Variants in FBXL7 observed in about 807,000 individuals in gnomAD.
FBXL7 encodes the protein F-box and leucine rich repeat protein 7.
Under a neutral mutation model 38.3 loss-of-function variants are expected in FBXL7, and 12 were observed. That is an observed-to-expected ratio of 0.31 (90% confidence interval 0.20 to 0.51). The LOEUF (loss-of-function observed/expected upper bound fraction) is 0.51. FBXL7 is among the 20% of genes least tolerant of loss of function. FBXL7 has a pLI of 0.98. For missense variants in FBXL7, 567 were observed against 676.4 expected (o/e 0.84, Z 1.79); for synonymous variants, 297 against 300.9 (o/e 0.99, Z 0.13).
chr5:15,505,915 G>T (rs893596462), intron 1 of FBXL7, among the ~76,000 whole-genome samples: 1 of 152,176 alleles, frequency 6.6e-6, no homozygotes, highest in Non-Finnish European at 1.5e-5. Context: ...ATTGCAGTCA[G>T]TCGGAACGTT....
chr5:15,824,295 CAA>C (rs57955989), intron 2 of FBXL7, among the ~76,000 whole-genome samples: 8 of 122,882 alleles, frequency 6.5e-5, no homozygotes, highest in Admixed American at 8.8e-5. Context: ...GACTCCGTCT[CAA>C]AAAAAAAAAA....
intron 1 of FBXL7, among the ~76,000 whole-genome samples, chr5:15,530,301 C>A (rs549694334): frequency 6.6e-6 from 1 of 152,272 alleles, no homozygotes; most frequent in Non-Finnish European, 1.5e-5. Flanking sequence ...GGTTACCCTT[C>A]TCTATACAAA....
chr5:15,914,124 C>T (rs993037028), intron 2 of FBXL7, among the ~76,000 whole-genome samples: 8 of 151,952 alleles, frequency 5.3e-5, no homozygotes, highest in South Asian at 4.2e-4. Flanking sequence ...TGGTGGCTCA[C>T]GCCTGTAATC....
intron 1 of FBXL7, among the ~76,000 whole-genome samples, chr5:15,598,941 C>T (rs1336808463): frequency 6.6e-6 from 1 of 152,164 alleles, no homozygotes; most frequent in Non-Finnish European, 1.5e-5. Flanking sequence ...AGGGCAATTG[C>T]TGCATTCAGT....
intron 2 of FBXL7, among the ~76,000 whole-genome samples, chr5:15,766,842 T>A (rs1425029513): frequency 6.6e-6 from 1 of 152,230 alleles, no homozygotes; most frequent in Non-Finnish European, 1.5e-5. Context: ...AGAAACTCGA[T>A]ACACTGTAAA....
chr5:15,567,967 G>T (rs1738642950), intron 1 of FBXL7, among the ~76,000 whole-genome samples: 1 of 152,082 alleles, frequency 6.6e-6, no homozygotes, highest in Non-Finnish European at 1.5e-5. Context: ...TGGTGTATAT[G>T]TGCCACATTT....
At chr5:15,572,471 T>G (rs549729655) in intron 1 of FBXL7, among the ~76,000 whole-genome samples, 106 of 151,680 alleles carry the variant, frequency 7.0e-4, no homozygotes, top group African/African-American at 2.5e-3. Context: ...AAAGGTGTAC[T>G]GCCCTCAAAT....
Position 15,660,713 on chromosome 5 carries a change from C to T in FBXL7, c.127+44641C>T, listed in dbSNP as rs571332306. ...TCCAATTTATCTCTCCAGACTCCCACTTAATCATAAGAAGGCATATAAGTT... is the reference window on the plus strand; with the variant it reads ...TCCAATTTATCTCTCCAGACTCCCATTTAATCATAAGAAGGCATATAAGTT... On this transcript the variant is annotated intron_variant, in intron 2 of 3. Coordinates refer to ENST00000504595, the MANE Select transcript of FBXL7 (RefSeq NM_012304.5). Among the ~76,000 whole-genome samples, 35 of 152,254 alleles carry T rather than the reference C, an allele frequency of 2.3e-4. No individual in the cohort carries two copies. The Middle Eastern group carries it at 0.014, about 60-fold the overall frequency.
rs1425675567 is a variant in FBXL7 at position 15,577,419 on chromosome 5, T to C, written c.38-38564T>C. ...AGAAGTCAGGTAATTATGGAAAGTG[T>C]CTATGTGACAGAGAGTGACCGCTTT... On this transcript the variant is annotated intron_variant, in intron 1 of 3. Coordinates refer to ENST00000504595, the MANE Select transcript of FBXL7 (RefSeq NM_012304.5). 2.0e-5 allele frequency among the ~76,000 whole-genome samples: 3 copies of C among 152,278 alleles called. No individual in the cohort carries two copies. In the South Asian group the frequency reaches 6.2e-4, roughly 32 times the overall value.
intron 2 of FBXL7, among the ~76,000 whole-genome samples, chr5:15,788,980 A>G (rs570405188): frequency 4.0e-5 from 6 of 151,400 alleles, no homozygotes; most frequent in African/African-American, 9.7e-5. Context: ...CCTCCAGAGT[A>G]TCTGGGACTA....
intron 2 of FBXL7, among the ~76,000 whole-genome samples, chr5:15,919,092 A>G: frequency 6.6e-6 from 1 of 152,252 alleles, no homozygotes; most frequent in East Asian, 1.9e-4. Context: ...CTAAGAAAAG[A>G]AATCTTGCTT....
intron 3 of FBXL7, among the ~76,000 whole-genome samples, chr5:15,929,182 A>G (rs1196600244): frequency 1.3e-5 from 2 of 152,126 alleles, no homozygotes; most frequent in Non-Finnish European, 2.9e-5. Context: ...TGTGCTCATG[A>G]TCACTTGCCA....
intron 2 of FBXL7, among the ~76,000 whole-genome samples, chr5:15,925,153 G>T (rs537076754): frequency 6.6e-6 from 1 of 152,304 alleles, no homozygotes; most frequent in Admixed American, 6.5e-5. Flanking sequence ...TATATAGCAG[G>T]TGCGCAAATG....
intron 2 of FBXL7, among the ~76,000 whole-genome samples, chr5:15,645,570 G>T (rs903699733): frequency 6.6e-6 from 1 of 152,116 alleles, no homozygotes; most frequent in Admixed American, 6.5e-5. Flanking sequence ...CCCAACTACC[G>T]TGGGCACATG....
chr5:15,696,785 A>C (rs1743350336), intron 2 of FBXL7, among the ~76,000 whole-genome samples: 1 of 152,346 alleles, frequency 6.6e-6, no homozygotes, highest in East Asian at 1.9e-4. Context: ...CCTGTGGAAC[A>C]ACGTCCTCTC....
chr5:15,641,710 G>C (rs2126556964), intron 2 of FBXL7, among the ~76,000 whole-genome samples: 1 of 152,210 alleles, frequency 6.6e-6, no homozygotes, highest in African/African-American at 2.4e-5. Flanking sequence ...AGCCTGAATG[G>C]AATAAAAGGC....
At chr5:15,583,772 G>C (rs531028139) in intron 1 of FBXL7, among the ~76,000 whole-genome samples, 3 of 152,276 alleles carry the variant, frequency 2.0e-5, no homozygotes, top group Admixed American at 6.5e-5. Flanking sequence ...CTGGGCTCTG[G>C]AGGATGATGG....
intron 1 of FBXL7, among the ~76,000 whole-genome samples, chr5:15,598,384 G>C (rs948771702): frequency 9.9e-5 from 15 of 151,974 alleles, no homozygotes; most frequent in African/African-American, 3.6e-4. Context: ...TTTTCATATG[G>C]AAAAAAGTGT....
chr5:15,531,950 A>G (rs1172292929), intron 1 of FBXL7, among the ~76,000 whole-genome samples: 1 of 152,220 alleles, frequency 6.6e-6, no homozygotes, highest in Non-Finnish European at 1.5e-5. Flanking sequence ...ATCATTGATT[A>G]ATTACTAACA....
Sources: gnomAD v4.1 joint callset for allele counts (sites outside exome capture counted in the v4.1 genomes callset) on GRCh38, gnomAD v4.1.1 for gene constraint, MANE v1.5 for transcripts, NCBI Gene and HGNC (gene_info 2026-07-23, HGNC 2026-07-21) for gene names.